The following LAMA5 variants were observed in gnomAD, a reference collection of about 807,000 sequenced individuals.
LAMA5 encodes the protein laminin subunit alpha 5.
In LAMA5, 260 loss-of-function variants were observed where a neutral mutation model predicts 433.4. The ratio of observed to expected loss-of-function variants is 0.60; its 90% CI spans 0.54 to 0.66. LAMA5 has a LOEUF of 0.66. LAMA5 is among the 30% of genes least tolerant of loss of function. The pLI is 0.00. For missense variants in LAMA5, 5,378 were observed against 5,258.5 expected, an observed-to-expected ratio of 1.02 and a Z score of -0.70; for synonymous variants, 2,620 against 2,226.6, an observed-to-expected ratio of 1.18 and a Z score of -4.97.
chr20:62,310,468 G>A lies in LAMA5; in HGVS notation c.10551C>T (p.Pro3517=), dbSNP rs957290828. Residue 3517 remains proline (P), a synonymous_variant, in exon 76 of 80, where the codon CCC becomes CCT. Coordinates refer to ENST00000252999, the MANE Select transcript of LAMA5 (RefSeq NM_005560.6). ...CTGGGAAGAACAGGCCCGCCTCCAG[G>A]GGGCCCAAGATGCAGGGTGTGACCC... The part of the protein sequence containing the change: ...MAGVTPCILG[P]LEAGLFFPGS... The A allele has an allele frequency of 1.7e-5, 27 of 1,598,482 alleles. No homozygotes were observed. Among genetic ancestry groups the A allele is most frequent in the Non-Finnish European group, 2.1e-5 (25 of 1,174,460 alleles).
chr20:62,327,507 G>GCC, intron 37 of LAMA5, 22 bp downstream of exon 37: 1 of 1,612,416 alleles, frequency 6.2e-7, no homozygotes, highest in Non-Finnish European at 8.5e-7. Context: ...AGAAGGCAAT[G>GCC]CCCTCAGTCC....
intron 20 of LAMA5, 84 bp from the exon 21 acceptor site, chr20:62,334,705 C>T: frequency 9.6e-7 from 1 of 1,039,766 alleles, no homozygotes; most frequent in Non-Finnish European, 1.4e-6. Context: ...GAGAAGCCTG[C>T]CTGGGGCTCT....
Position 62,323,470 on chromosome 20 carries a change from G to T in LAMA5, c.6050C>A (p.Pro2017His). Residue 2017 changes from proline (P) to histidine (H), a missense_variant, in exon 45 of 80, where the codon CCC (proline) becomes CAC (histidine). Transcript: ENST00000252999. ...APGFYGNALL[P>H]GNCTRCDCTP... The stretch of plus-strand genomic sequence containing the variant: ...CCGACGCCTACGGGTGCAGTTGCCG[G>T]GCAGCAGGGCGTTGCCGTAGAAGCC... 6.5e-7 allele frequency: 1 copy of T among 1,542,692 alleles called. No individual in the cohort carries two copies. Among genetic ancestry groups the T allele is most frequent in the Middle Eastern group, 1.8e-4 (1 of 5,540 alleles).
chr20:62,309,530 C>A lies in LAMA5; in HGVS notation c.10949-55G>T. 4.7e-6 allele frequency: 7 copies of A among 1,497,862 alleles called. No individual in the cohort carries two copies. In the South Asian group the frequency reaches 7.6e-5, roughly 16 times the overall value. The allele number at this position is 1,497,862 out of a possible 1,614,324, so 92.8% of individuals were successfully genotyped here. A position where few individuals can be genotyped will look rare whatever the true frequency, so the allele number is the denominator to read the frequency against. ...TGGTTGGTGGGCAGCTAGAGACCCA[C>A]AGGCCCTTCCCAAACGTCAGTGCCC... On this transcript the variant is annotated intron_variant, in intron 79 of 79. Coordinates refer to ENST00000252999, the MANE Select transcript of LAMA5 (RefSeq NM_005560.6).
At chr20:62,325,273 C>T (rs1179792167) in intron 41 of LAMA5, 43 bp downstream of exon 41, 3 of 1,333,594 alleles carry the variant, frequency 2.2e-6, no homozygotes, top group Middle Eastern at 2.7e-4. Flanking sequence ...GAAGGGTGTG[C>T]ACAGGTGAGC....
In LAMA5 at chr20:62,356,833, G is replaced by A. The variant is rs188276110; in HGVS notation, c.451-3582C>T. Among the ~76,000 whole-genome samples, 610 of 152,356 alleles carry A rather than the reference G, an allele frequency of 4.0e-3. 4 individuals are homozygous for A. Among genetic ancestry groups the A allele is most frequent in the Middle Eastern group, 0.02 (6 of 294 alleles). ...TTCATGAGGGCATGAAGGTTTGAGC[G>A]CCCTGGGAGGGAGGACGCCAGCTGC... On this transcript the variant is annotated intron_variant, in intron 2 of 79. Transcript: ENST00000252999.
At chr20:62,337,236 G>A (rs995404274) in intron 16 of LAMA5, among the ~76,000 whole-genome samples, 5 of 152,158 alleles carry the variant, frequency 3.3e-5, no homozygotes, top group Middle Eastern at 3.4e-3. Flanking sequence ...CATGCGACAC[G>A]CAACACATGC....
chr20:62,322,161 C>A lies in LAMA5; in HGVS notation c.6354G>T (p.Gln2118His). 6.3e-7 allele frequency: 1 copy of A among 1,594,222 alleles called. No homozygotes were observed. The highest frequency in any genetic ancestry group is 8.5e-7 in the Non-Finnish European group (1 of 1,172,682). ...GAGGGTCACAGCGGCCCCCAGGGCA[C>A]TGGCAGCCTGTGGTGGGGGGCTTGG... Reference protein sequence around the residue: ...GLPEQGCRRCQCPGGRCDPHT... With the variant: ...GLPEQGCRRCHCPGGRCDPHT... The change falls in exon 48 of 80, where the codon CAG becomes CAT. Residue 2118 changes from glutamine (Q) to histidine (H), a missense_variant. Coordinates refer to ENST00000252999, the MANE Select transcript of LAMA5 (RefSeq NM_005560.6).
Position 62,310,008 on chromosome 20 carries a change from C to A in LAMA5, c.10808G>T (p.Gly3603Val). The change falls in exon 78 of 80, where the codon GGC becomes GTC. Residue 3603 changes from glycine to valine, a missense_variant. By Grantham distance (109) the Gly-to-Val change is moderately radical. Transcript: ENST00000252999. ...SVTRPSVLCD[G>V]QWHRLAVMKS... ...CTCACCCGCTAGCCGGTGCCACTGGCCATCACACAGCACTGAGGGGCGGGT... is the reference window on the plus strand; with the variant it reads ...CTCACCCGCTAGCCGGTGCCACTGGACATCACACAGCACTGAGGGGCGGGT... The A allele has an allele frequency of 6.2e-7, 1 of 1,611,280 alleles. No homozygotes were observed. Among genetic ancestry groups the A allele is most frequent in the Non-Finnish European group, 8.5e-7 (1 of 1,179,710 alleles).
At chr20:62,331,581 G>A (rs553731346) in intron 28 of LAMA5, among the ~76,000 whole-genome samples, 5 of 152,210 alleles carry the variant, frequency 3.3e-5, no homozygotes, top group South Asian at 2.1e-4. Context: ...CCACCAGGCC[G>A]GGCCAGGCCC....
At chr20:62,362,677 C>T (rs770463263) in intron 1 of LAMA5, 125 bp from the exon 2 acceptor site, 66 of 787,152 alleles carry the variant, frequency 8.4e-5, no homozygotes, top group African/African-American at 6.5e-4. Flanking sequence ...CCAGCCTCTG[C>T]GCCCCTCATC....
At position 62,310,809 on chromosome 20, in the gene LAMA5, C is replaced by T. The variant is rs1248074655; in HGVS notation, c.10302G>A (p.Lys3434=). The part of the protein sequence containing the change: ...RWHKVSVRWE[K]NRILLVTDGA... Reference sequence around the variant, plus strand: ...CGTCCGTCACCAGCAGGATCCGGTTCTTCTCCCAGCGCACGGAGACCTGGG... The same window carrying T: ...CGTCCGTCACCAGCAGGATCCGGTTTTTCTCCCAGCGCACGGAGACCTGGG... The change falls in exon 75 of 80, where the codon AAG becomes AAA. Residue 3434 remains lysine, a synonymous_variant. Transcript: ENST00000252999. 4 of 1,556,004 alleles carry T rather than the reference C, an allele frequency of 2.6e-6. No homozygotes were observed. The highest frequency in any genetic ancestry group is 3.5e-6 in the Non-Finnish European group (4 of 1,150,564).
chr20:62,314,195 T>C (rs1256306244), intron 62 of LAMA5, 109 bp downstream of exon 62: 1 of 1,323,454 alleles, frequency 7.6e-7, no homozygotes, highest in African/African-American at 1.5e-5. Context: ...GGGTGGCGAG[T>C]GGGCATGGAG....
chr20:62,318,365 G>GGAGGGGAGGGGAGGAC, intron 53 of LAMA5, 89 bp downstream of exon 53: 1 of 794,068 alleles, frequency 1.3e-6, no homozygotes. Flanking sequence ...GAGGACGAGG[G>GGAGGGGAGGGGAGGAC]GAGGGGAGGG....
In LAMA5 at chr20:62,338,006, C is replaced by G. The variant is rs1166156968; in HGVS notation, c.1891+10G>C. 6.3e-7 allele frequency: 1 copy of G among 1,594,810 alleles called. No homozygotes were observed. The highest frequency in any genetic ancestry group is 8.6e-7 in the Non-Finnish European group (1 of 1,168,604). Reference sequence around the variant, plus strand: ...GGCAGAACCCCTTCCTGCCCTGACCCTCTGCTCACCTTGGCAGTTGGGGAA... The same window carrying G: ...GGCAGAACCCCTTCCTGCCCTGACCGTCTGCTCACCTTGGCAGTTGGGGAA... On this transcript the variant is annotated intron_variant, in intron 14 of 79. Transcript: ENST00000252999.
intron 50 of LAMA5, 34 bp downstream of exon 50, chr20:62,320,525 C>T (rs1457005446): frequency 5.3e-6 from 8 of 1,518,876 alleles, no homozygotes; most frequent in African/African-American, 4.1e-5. Flanking sequence ...AGGTGAAAGC[C>T]TCCCGGGGCC....
chr20:62,330,784 C>G lies in LAMA5; in HGVS notation c.3811G>C (p.Val1271Leu). Residue 1271 changes from valine (V) to leucine (L), a missense_variant, in exon 30 of 80, where the codon GTG (valine) becomes CTG (leucine). Val to Leu is a conservative substitution (Grantham distance 32). Coordinates refer to ENST00000252999, the MANE Select transcript of LAMA5 (RefSeq NM_005560.6). ...AGPRPRPPTA[V>L]DPDAEPTLLR... ...AGGGTGGGCTCTGCATCAGGGTCCA[C>G]AGCGGTGGGGGGCCGAGGTCGGGGT... 1 of 1,563,542 alleles carries G rather than the reference C, an allele frequency of 6.4e-7. No individual in the cohort carries two copies. The highest frequency in any genetic ancestry group is 8.7e-7 in the Non-Finnish European group (1 of 1,155,058).
At chr20:62,348,904 G>A (rs959088368) in intron 6 of LAMA5, among the ~76,000 whole-genome samples, 2 of 152,132 alleles carry the variant, frequency 1.3e-5, no homozygotes, top group East Asian at 3.9e-4. Context: ...ATCTAATGGG[G>A]ACTCCAGGGG....
At position 62,327,906 on chromosome 20, in the gene LAMA5, G is replaced by A. The variant is rs114642987; in HGVS notation, c.4757C>T (p.Pro1586Leu). ...PCDCHEAGTA[P>L]GVCDPLTGQC... is the part of the protein sequence containing the mutation. ...CCCTGTGAGGGGGTCACACACGCCAGGCGCAGTGCCCGCCTCGTGACAGTC... is the reference window on the plus strand; with the variant it reads ...CCCTGTGAGGGGGTCACACACGCCAAGCGCAGTGCCCGCCTCGTGACAGTC... The change falls in exon 36 of 80, where the codon CCT becomes CTT. Residue 1586 changes from proline to leucine, a missense_variant. Physicochemically the swap from Pro to Leu is moderately conservative, Grantham distance 98. Coordinates refer to ENST00000252999, the MANE Select transcript of LAMA5 (RefSeq NM_005560.6). 3,492 of 1,611,854 alleles carry A rather than the reference G, an allele frequency of 2.2e-3. 69 individuals carry two copies. The African/African-American group carries it at 0.043, about 20-fold the overall frequency.
Sources: allele counts gnomAD v4.1 joint callset (sites outside exome capture counted in the v4.1 genomes callset), GRCh38; gene constraint gnomAD v4.1.1; transcripts MANE v1.5; gene names NCBI Gene and HGNC (gene_info 2026-07-23, HGNC 2026-07-21).